NALF1: variants seen among roughly 807,000 people sequenced by gnomAD.
NALF1 encodes the protein family with sequence similarity 155 member A.
Under a neutral mutation model 48.4 loss-of-function variants are expected in NALF1, and 3 were observed. The ratio of observed to expected loss-of-function variants is 0.06; its 90% confidence interval spans 0.03 to 0.16. NALF1 has a LOEUF of 0.16. NALF1 is among the 10% of genes least tolerant of loss of function. NALF1 has a pLI of 1.00. For missense variants in NALF1, 526 were observed against 571.5 expected (o/e 0.92, Z 0.81); for synonymous variants, 262 against 245.7 (o/e 1.07, Z -0.62).
chr13:107,657,542 G>A (rs570465940), intron 1 of NALF1, among the ~76,000 whole-genome samples: 1 of 152,220 alleles, frequency 6.6e-6, no homozygotes, highest in African/African-American at 2.4e-5. Flanking sequence ...AGTTTACAGT[G>A]GAAGTTTTGG....
At chr13:107,298,734 A>G (rs557400588) in intron 1 of NALF1, among the ~76,000 whole-genome samples, 4 of 152,244 alleles carry the variant, frequency 2.6e-5, no homozygotes, top group South Asian at 4.1e-4. Flanking sequence ...CTGGCCACAC[A>G]TATGTTTCTT....
intron 1 of NALF1, among the ~76,000 whole-genome samples, chr13:107,425,645 C>T (rs1219896365): frequency 1.3e-5 from 2 of 151,906 alleles, no homozygotes; most frequent in Non-Finnish European, 2.9e-5. Context: ...TATATATGTA[C>T]TAAGGTATTG....
chr13:107,268,683 T>G (rs1204481398), intron 1 of NALF1, among the ~76,000 whole-genome samples: 2 of 152,214 alleles, frequency 1.3e-5, no homozygotes, highest in African/African-American at 4.8e-5. Flanking sequence ...TTAGATGATA[T>G]TCTTTAAAAA....
chr13:107,308,327 G>C (rs1224058644), intron 1 of NALF1, among the ~76,000 whole-genome samples: 1 of 149,636 alleles, frequency 6.7e-6, no homozygotes, highest in Non-Finnish European at 1.5e-5. Flanking sequence ...TCAGCCTCCT[G>C]AGTAGCTGGG....
At chr13:107,621,221 AACT>A (rs1383080224) in intron 1 of NALF1, among the ~76,000 whole-genome samples, 2 of 152,196 alleles carry the variant, frequency 1.3e-5, no homozygotes, top group Non-Finnish European at 2.9e-5. Flanking sequence ...GTCCATTATT[AACT>A]AGTTAGCACA....
In NALF1 at chr13:107,469,733, C is replaced by CTTTTTTTTTTTT. The variant is rs61241553; in HGVS notation, c.916-258990_916-258979dup. Among the ~76,000 whole-genome samples, 58 of 79,968 alleles carry CTTTTTTTTTTTT rather than the reference C, an allele frequency of 7.3e-4. 7 individuals are homozygous for CTTTTTTTTTTTT. Among genetic ancestry groups the CTTTTTTTTTTTT allele is most frequent in the South Asian group, 1.9e-3 (4 of 2,056 alleles). The allele number at this position is 79,968 out of a possible 152,430, so 52.5% of individuals were successfully genotyped here. On this transcript the variant is annotated intron_variant, in intron 1 of 2. Coordinates refer to ENST00000375915, the MANE Select transcript of NALF1 (RefSeq NM_001080396.3). ...TAAATGCGATGAGTCAACTGTGTAT[C>CTTTTTTTTTTTT]TTTTTTTTTTTTTTTTTTTTTTTTT...
At chr13:107,300,347 T>C (rs1400537776) in intron 1 of NALF1, among the ~76,000 whole-genome samples, 4 of 152,212 alleles carry the variant, frequency 2.6e-5, no homozygotes, top group African/African-American at 7.2e-5. Context: ...ACACACGATA[T>C]GAATATATTC....
chr13:107,603,727 T>A (rs1268870161), intron 1 of NALF1, among the ~76,000 whole-genome samples: 2 of 152,204 alleles, frequency 1.3e-5, no homozygotes, highest in Admixed American at 6.5e-5. Flanking sequence ...AACCATGGTA[T>A]CTGTGTCTGC....
intron 1 of NALF1, among the ~76,000 whole-genome samples, chr13:107,805,994 T>C (rs1036063235): frequency 6.6e-5 from 10 of 152,208 alleles, no homozygotes; most frequent in African/African-American, 2.4e-4. Flanking sequence ...TTCATAGTTC[T>C]AAATAAGATT....
intron 2 of NALF1, among the ~76,000 whole-genome samples, chr13:107,198,948 C>G (rs889382342): frequency 2.0e-5 from 3 of 152,216 alleles, no homozygotes; most frequent in African/African-American, 7.2e-5. Context: ...GAGGCCCTAA[C>G]TCCCAGTACG....
At chr13:107,271,128 G>A (rs1881156171) in intron 1 of NALF1, among the ~76,000 whole-genome samples, 1 of 152,080 alleles carries the variant, frequency 6.6e-6, no homozygotes, top group Admixed American at 6.5e-5. Flanking sequence ...ATTCTAAGAT[G>A]GCTCCATGAC....
At chr13:107,245,859 G>A (rs1880571686) in intron 1 of NALF1, among the ~76,000 whole-genome samples, 1 of 151,980 alleles carries the variant, frequency 6.6e-6, no homozygotes, top group Non-Finnish European at 1.5e-5. Context: ...TTCTAATACT[G>A]TGATTCTACT....
intron 1 of NALF1, among the ~76,000 whole-genome samples, chr13:107,659,361 T>C (rs1413307343): frequency 1.3e-5 from 2 of 152,202 alleles, no homozygotes; most frequent in African/African-American, 2.4e-5. Context: ...GTGTCTTCTA[T>C]CTTTGTCTTT....
At chr13:107,452,576 C>T (rs887854482) in intron 1 of NALF1, among the ~76,000 whole-genome samples, 5 of 152,108 alleles carry the variant, frequency 3.3e-5, no homozygotes, top group Non-Finnish European at 7.4e-5. Context: ...TGAGGATTAT[C>T]GGGATTACAA....
intron 1 of NALF1, among the ~76,000 whole-genome samples, chr13:107,492,482 T>C (rs1368900269): frequency 6.6e-6 from 1 of 152,146 alleles, no homozygotes; most frequent in Non-Finnish European, 1.5e-5. Context: ...ACAGCTTCCT[T>C]ATATTCCTTA....
chr13:107,340,177 T>A lies in NALF1; in HGVS notation c.916-129422A>T, dbSNP rs76010753. On this transcript the variant is annotated intron_variant, in intron 1 of 2. Transcript: ENST00000375915. ...CCTTTAAATGCCTCACTTACATTCC[T>A]TTTTTTTTTTTTTTAGACAGTGGTG... Among the ~76,000 whole-genome samples the A allele has an allele frequency of 2.9e-4, 3 of 10,394 alleles. No homozygotes were observed. The Non-Finnish European group carries it at 7.9e-3, about 27-fold the overall frequency. The allele number at this position is 10,394 out of a possible 152,430, so 6.8% of individuals were successfully genotyped here.
intron 1 of NALF1, among the ~76,000 whole-genome samples, chr13:107,857,191 T>C (rs1880459618): frequency 6.6e-6 from 1 of 152,230 alleles, no homozygotes; most frequent in African/African-American, 2.4e-5. Flanking sequence ...TTGCCTTGTC[T>C]GGTAGCTCTA....
intron 1 of NALF1, among the ~76,000 whole-genome samples, chr13:107,588,111 C>T (rs1878507753): frequency 6.6e-6 from 1 of 152,104 alleles, no homozygotes. Context: ...GGGCACATTC[C>T]TAAACATCTT....
At chr13:107,178,179 C>T (rs1243529968) in intron 2 of NALF1, among the ~76,000 whole-genome samples, 1 of 152,146 alleles carries the variant, frequency 6.6e-6, no homozygotes, top group African/African-American at 2.4e-5. Flanking sequence ...CAAGCACAGG[C>T]AACCAAAGCA....
Sources: gnomAD v4.1 joint callset for allele counts (sites outside exome capture counted in the v4.1 genomes callset) on GRCh38, gnomAD v4.1.1 for gene constraint, MANE v1.5 for transcripts, NCBI Gene and HGNC (gene_info 2026-07-23, HGNC 2026-07-21) for gene names.